SLC44A5: variants seen among roughly 807,000 people sequenced by gnomAD.
SLC44A5 encodes the protein choline transporter-like protein 5.
In SLC44A5, 57 loss-of-function variants were observed where a neutral mutation model predicts 101.8. The observed-to-expected ratio is 0.56, with a 90% CI of 0.45 to 0.70. The LOEUF (loss-of-function observed/expected upper bound fraction) is 0.70. Ranked by LOEUF, SLC44A5 falls within the 30% of genes least tolerant of loss-of-function variation. The probability of loss-of-function intolerance (pLI) is 0.00; values close to 1 mark genes in which losing one functional copy is unlikely to be tolerated. For synonymous variants in SLC44A5, 281 were observed against 290.9 expected, an observed-to-expected ratio of 0.97 and a Z score of 0.35; for missense variants, 737 against 853.1, an observed-to-expected ratio of 0.86 and a Z score of 1.70.
intron 1 of SLC44A5, chr1:75,582,578 A>C: frequency 2.5e-6 from 1 of 405,054 alleles, no homozygotes; most frequent in Non-Finnish European, 4.4e-6. Flanking sequence ...TCCATCTGCC[A>C]ATATGAGGAC....
At chr1:75,354,255 A>C (rs1175430717) in intron 3 of SLC44A5, among the ~76,000 whole-genome samples, 3 of 152,180 alleles carry the variant, frequency 2.0e-5, no homozygotes, top group Non-Finnish European at 2.9e-5. Flanking sequence ...TGGGTGTTCT[A>C]GGCATTCTGC....
chr1:75,676,547 A>G, the SLC44A5 span, among the ~76,000 whole-genome samples: 1 of 152,196 alleles, frequency 6.6e-6, no homozygotes, highest in African/African-American at 2.4e-5. Flanking sequence ...TTGTTGGGAA[A>G]AAATGTTGGA....
intron 7 of SLC44A5, among the ~76,000 whole-genome samples, chr1:75,248,351 C>A (rs1328605994): frequency 6.6e-6 from 1 of 151,980 alleles, no homozygotes; most frequent in East Asian, 1.9e-4. Flanking sequence ...AATAAAAAAA[C>A]ATTTCAAAGT....
At chr1:75,517,042 G>C (rs571204540) in intron 2 of SLC44A5, among the ~76,000 whole-genome samples, 3 of 152,072 alleles carry the variant, frequency 2.0e-5, no homozygotes, top group Non-Finnish European at 4.4e-5. Flanking sequence ...CTTAAGGTAG[G>C]GAACTTCTTA....
At chr1:75,474,023 C>T (rs189884518) in intron 2 of SLC44A5, among the ~76,000 whole-genome samples, 153 of 152,248 alleles carry the variant, frequency 1.0e-3, no homozygotes, top group African/African-American at 3.5e-3. Context: ...TGTAGACTTG[C>T]TTTGTTTCTT....
intron 5 of SLC44A5, among the ~76,000 whole-genome samples, chr1:75,279,952 T>C (rs1184901064): frequency 6.6e-6 from 1 of 151,334 alleles, no homozygotes; most frequent in Non-Finnish European, 1.5e-5. Context: ...ATTTGTATGC[T>C]TTTGCATCCT....
intron 2 of SLC44A5, among the ~76,000 whole-genome samples, chr1:75,418,910 A>C (rs1230688069): frequency 6.6e-6 from 1 of 152,216 alleles, no homozygotes; most frequent in African/African-American, 2.4e-5. Flanking sequence ...AAAATACAAC[A>C]GTTTTCAAGG....
chr1:75,485,927 T>C (rs944248951), intron 2 of SLC44A5, among the ~76,000 whole-genome samples: 4 of 151,908 alleles, frequency 2.6e-5, no homozygotes, highest in Non-Finnish European at 4.4e-5. Context: ...TCACTTACTA[T>C]CGTAAGAACA....
intron 1 of SLC44A5, among the ~76,000 whole-genome samples, chr1:75,583,763 T>C (rs1482555718): frequency 1.3e-5 from 2 of 152,210 alleles, no homozygotes; most frequent in Non-Finnish European, 1.5e-5. Flanking sequence ...GATGACACTC[T>C]ACCATTTTGT....
At chr1:75,495,847 G>T (rs1192830372) in intron 2 of SLC44A5, among the ~76,000 whole-genome samples, 2 of 152,160 alleles carry the variant, frequency 1.3e-5, no homozygotes, top group Non-Finnish European at 2.9e-5. Context: ...ATATACTTAA[G>T]GGGTACATAA....
intron 2 of SLC44A5, among the ~76,000 whole-genome samples, chr1:75,456,338 T>A (rs1286491292): frequency 6.6e-6 from 1 of 151,990 alleles, no homozygotes; most frequent in Non-Finnish European, 1.5e-5. Context: ...CAGTCAACAT[T>A]GGGTACTACT....
chr1:75,582,250 G>A lies in SLC44A5; in HGVS notation c.-70+28790C>T, dbSNP rs2102072195. On this transcript the variant is annotated intron_variant, in intron 1 of 23. Transcript: ENST00000370859. ...GCTTTGCCAAGAAGCACAACAAGAA[G>A]GGCCTAAAGAAGATGCAGGCCAACA... 4.1e-6 allele frequency: 6 copies of A among 1,479,932 alleles called. No individual in the cohort carries two copies. In the African/African-American group the frequency reaches 4.1e-5, roughly 10 times the overall value. The allele number at this position is 1,479,932 out of a possible 1,614,324, so 91.7% of individuals were successfully genotyped here.
chr1:75,467,576 T>C (rs76303494), intron 2 of SLC44A5, among the ~76,000 whole-genome samples: 15,675 of 152,096 alleles, frequency 0.1, 976 homozygotes, highest in Admixed American at 0.19. Flanking sequence ...GAACATACAC[T>C]GAGGAAAAGA....
At chr1:75,683,075 A>C in the SLC44A5 span, among the ~76,000 whole-genome samples, 1 of 152,108 alleles carries the variant, frequency 6.6e-6, no homozygotes, top group Non-Finnish European at 1.5e-5. Context: ...CACACCAGTT[A>C]GAATGGCAAT....
At chr1:75,264,163 C>A (rs1235915221) in intron 6 of SLC44A5, among the ~76,000 whole-genome samples, 4 of 149,926 alleles carry the variant, frequency 2.7e-5, no homozygotes, top group African/African-American at 9.8e-5. Context: ...AGCAAGGCAC[C>A]ATTTTCAGAG....
the SLC44A5 span, among the ~76,000 whole-genome samples, chr1:75,676,543 G>A: frequency 1.3e-4 from 20 of 152,058 alleles, no homozygotes; most frequent in African/African-American, 4.8e-4. Flanking sequence ...GGGCTTGTTG[G>A]GAAAAAATGT....
the SLC44A5 span, among the ~76,000 whole-genome samples, chr1:75,638,490 T>C: frequency 6.6e-6 from 1 of 152,058 alleles, no homozygotes; most frequent in African/African-American, 2.4e-5. Flanking sequence ...TGAGGATTTA[T>C]AGTGAGGAAA....
chr1:75,338,058 A>C (rs1474347839), intron 4 of SLC44A5, among the ~76,000 whole-genome samples: 1 of 152,148 alleles, frequency 6.6e-6, no homozygotes, highest in Admixed American at 6.5e-5. Context: ...AAAAGTTACA[A>C]ATAGGCCAAC....
intron 2 of SLC44A5, among the ~76,000 whole-genome samples, chr1:75,531,980 A>G (rs904963280): frequency 3.9e-5 from 6 of 152,154 alleles, no homozygotes; most frequent in African/African-American, 1.4e-4. Flanking sequence ...AATAATTCCC[A>G]AAGTGTGTTG....
Sources: allele counts gnomAD v4.1 joint callset (sites outside exome capture counted in the v4.1 genomes callset), GRCh38; gene constraint gnomAD v4.1.1; transcripts MANE v1.5; gene names NCBI Gene and HGNC (gene_info 2026-07-23, HGNC 2026-07-21).